The following RPL13 variants were observed in gnomAD, a reference collection of about 807,000 sequenced individuals.
RPL13 encodes large ribosomal subunit protein eL13.
A neutral mutation model predicts 21.4 loss-of-function variants in RPL13; 1 was observed. The ratio of observed to expected loss-of-function variants is 0.05; its 90% CI spans 0.02 to 0.22. The LOEUF is 0.22. Among genes scored for constraint, RPL13 ranks in the 10% least tolerant of loss-of-function variants. RPL13 has a pLI of 1.00. For missense variants in RPL13, 289 were observed against 303.0 expected (o/e 0.95, Z 0.34); for synonymous variants, 143 against 120.5 (o/e 1.19, Z -1.23).
chr16:89,562,214 G>A, intron 4 of RPL13, 121 bp from the exon 5 acceptor site: 5 of 880,902 alleles, frequency 5.7e-6, no homozygotes, highest in Non-Finnish European at 7.3e-6. Context: ...GTGTGTTGTA[G>A]AAAAGGCTCA....
In RPL13 at chr16:89,563,188, C is replaced by T. The variant is rs553289188; in HGVS notation, c.*146C>T. The T allele has an allele frequency of 1.4e-6, 1 of 727,814 alleles. No homozygotes were observed. The allele number at this position is 727,814 out of a possible 1,614,324, so 45.1% of individuals were successfully genotyped here. A position where few individuals can be genotyped will look rare whatever the true frequency, so the allele number is the denominator to read the frequency against. Reference sequence around the variant, plus strand: ...TTTGGGGCTTTCTTGAAAGACAGTCCAAGCCCTGGATAATGCTTTACTTTC... The same window carrying T: ...TTTGGGGCTTTCTTGAAAGACAGTCTAAGCCCTGGATAATGCTTTACTTTC... On this transcript the variant is annotated 3_prime_UTR_variant, in exon 6 of 6. Coordinates refer to ENST00000311528, the MANE Select transcript of RPL13 (RefSeq NM_000977.4).
At chr16:89,562,797 C>T (rs968537191) in intron 5 of RPL13, 87 bp from the exon 6 acceptor site, 34 of 1,387,264 alleles carry the variant, frequency 2.5e-5, no homozygotes, top group East Asian at 1.1e-4. Flanking sequence ...CCCCAATCCC[C>T]GGGAGGTCCT....
Position 89,561,563 on chromosome 16 carries a change from C to A in RPL13, c.247-15C>A, listed in dbSNP as rs1044392998. The A allele has an allele frequency of 2.5e-6, 4 of 1,613,440 alleles. No homozygotes were observed. The highest frequency in any genetic ancestry group is 2.2e-5 in the East Asian group (1 of 44,886). The stretch of plus-strand genomic sequence containing the variant: ...AGCCCGGGCCTGTCTCCATCTCTCT[C>A]TGGTTCTGGGGCAGGTGGCCGGCAT... On this transcript the variant is annotated splice_polypyrimidine_tract_variant and intron_variant, in intron 3 of 5. Coordinates refer to ENST00000311528, the MANE Select transcript of RPL13 (RefSeq NM_000977.4).
chr16:89,566,238 A>AT (rs2058789550), downstream of RPL13: 1 of 135,796 alleles, frequency 7.4e-6, no homozygotes, highest in African/African-American at 2.6e-5. Context: ...GGCGCTAGTC[A>AT]CGTGCCCCGG....
chr16:89,564,648 C>T (rs1459047850), downstream of RPL13: 1 of 152,228 alleles, frequency 6.6e-6, no homozygotes, highest in African/African-American at 2.4e-5. Flanking sequence ...CAGCGAGACT[C>T]AGTCTCAAAA....
intron 5 of RPL13, 31 bp from the exon 6 acceptor site, chr16:89,562,853 G>T (rs1475200289): frequency 1.3e-6 from 2 of 1,504,164 alleles, no homozygotes; most frequent in Non-Finnish European, 1.8e-6. Flanking sequence ...TTTGGTGCAT[G>T]TGGGTTTAAC....
At chr16:89,562,506 TG>T in intron 5 of RPL13, 115 bp downstream of exon 5, 5 of 990,674 alleles carry the variant, frequency 5.0e-6, no homozygotes, top group Non-Finnish European at 7.5e-6. Flanking sequence ...GTGGCAGTTG[TG>T]GGTGTGGAGG....
intron 4 of RPL13, 21 bp downstream of exon 4, chr16:89,561,772 C>A: frequency 6.2e-7 from 1 of 1,606,692 alleles, no homozygotes; most frequent in Non-Finnish European, 8.5e-7. Context: ...GGCTCTCTGG[C>A]CGTCCTGGTG....
chr16:89,563,168 G>T lies in RPL13; in HGVS notation c.*126G>T. ...GACTTCCTCCTGCCAGGGGATTTGG[G>T]GCTTTCTTGAAAGACAGTCCAAGCC... On this transcript the variant is annotated 3_prime_UTR_variant, in exon 6 of 6. Transcript: ENST00000311528. The T allele has an allele frequency of 1.0e-6, 1 of 958,916 alleles. No homozygotes were observed. 59.4% of individuals were successfully genotyped at this position (958,916 alleles called of 1,614,324 possible).
Position 89,561,617 on chromosome 16 carries a change from A to G in RPL13, c.286A>G (p.Ile96Val), listed in dbSNP as rs768436769. 5.3e-5 allele frequency: 86 copies of G among 1,613,574 alleles called. No homozygotes were observed. Among genetic ancestry groups the G allele is most frequent in the African/African-American group, 6.7e-5 (5 of 74,902 alleles). Reference protein sequence around the residue: ...IHKKVARTIGISVDPRRRNKS... With the variant: ...IHKKVARTIGVSVDPRRRNKS... ...CAAGAAGGTGGCCCGGACCATCGGC[A>G]TTTCTGTGGATCCGAGGAGGCGGAA... Residue 96 changes from isoleucine (I) to valine (V), a missense_variant, in exon 4 of 6, where the codon ATT becomes GTT. Physicochemically the swap from Ile to Val is conservative, Grantham distance 29. Coordinates refer to ENST00000311528, the MANE Select transcript of RPL13 (RefSeq NM_000977.4).
At position 89,564,400 on chromosome 16, in the gene RPL13, G is replaced by A. The variant is rs2058767932; in HGVS notation, c.*1358G>A. 6.6e-6 allele frequency: 1 copy of A among 152,202 alleles called. No homozygotes were observed. Among genetic ancestry groups the A allele is most frequent in the Non-Finnish European group, 1.5e-5 (1 of 68,042 alleles). 9.4% of individuals were successfully genotyped at this position (152,202 alleles called of 1,614,324 possible). A position where few individuals can be genotyped will look rare whatever the true frequency, so the allele number is the denominator to read the frequency against. ...CTTCGTGATCAGTTTGTATGTTTGG[G>A]ACTCTTGTCCTATGTAAAGTTAAGG... On this transcript the variant is annotated 3_prime_UTR_variant, in exon 6 of 6. Coordinates refer to ENST00000311528, the MANE Select transcript of RPL13 (RefSeq NM_000977.4).
At position 89,563,086 on chromosome 16, in the gene RPL13, C is replaced by T. The variant is rs775506710; in HGVS notation, c.*44C>T. 7.6e-6 allele frequency: 11 copies of T among 1,447,786 alleles called. No individual in the cohort carries two copies. Among genetic ancestry groups the T allele is most frequent in the Non-Finnish European group, 9.1e-6 (10 of 1,094,580 alleles). The allele number at this position is 1,447,786 out of a possible 1,614,324, so 89.7% of individuals were successfully genotyped here. On this transcript the variant is annotated 3_prime_UTR_variant, in exon 6 of 6. Transcript: ENST00000311528. The stretch of plus-strand genomic sequence containing the variant: ...GAATCAGTCGGCAGTCATGCTGGGT[C>T]TCCACGTGGTGTGTTTCGTGGGAAC...
intron 4 of RPL13, chr16:89,562,053 G>T: frequency 1.7e-6 from 1 of 589,286 alleles, no homozygotes. Context: ...AGAGTCCATT[G>T]TATACGTTTC....
Position 89,563,300 on chromosome 16 carries a change from G to A in RPL13, c.*258G>A, listed in dbSNP as rs372710293. 6 of 293,204 alleles carry A rather than the reference G, an allele frequency of 2.0e-5. No homozygotes were observed. The highest frequency in any genetic ancestry group is 3.2e-5 in the Non-Finnish European group (5 of 158,588). The allele number at this position is 293,204 out of a possible 1,614,324, so 18.2% of individuals were successfully genotyped here. A position where few individuals can be genotyped will look rare whatever the true frequency, so the allele number is the denominator to read the frequency against. On this transcript the variant is annotated 3_prime_UTR_variant, in exon 6 of 6. Transcript: ENST00000311528. Reference sequence around the variant, plus strand: ...AGGTTACAGAGGCTGACTTCAGAGTGGACTTGTGTTTTTTCTTTTTAAAGA... The same window carrying A: ...AGGTTACAGAGGCTGACTTCAGAGTAGACTTGTGTTTTTTCTTTTTAAAGA...
chr16:89,565,551 C>G (rs959710525), downstream of RPL13: 3 of 152,300 alleles, frequency 2.0e-5, no homozygotes, highest in African/African-American at 7.2e-5. Context: ...TAACTTAGTC[C>G]CTGGGGACCG....
rs1567942814 is a variant in RPL13, at chr16:89,564,259, C to T, written c.*1217C>T. 6.6e-6 allele frequency: 1 copy of T among 152,306 alleles called. No individual in the cohort carries two copies. The highest frequency in any genetic ancestry group is 1.9e-4 in the East Asian group (1 of 5,194). 9.4% of individuals were successfully genotyped at this position (152,306 alleles called of 1,614,324 possible). A position where few individuals can be genotyped will look rare whatever the true frequency, so the allele number is the denominator to read the frequency against. ...TGATGCTGCTACCTCTGCTGCTGCA[C>T]TCACAGCCACACTTGATACACGATG... On this transcript the variant is annotated 3_prime_UTR_variant, in exon 6 of 6. Transcript: ENST00000311528.
In RPL13 at chr16:89,561,010, C is replaced by T. The variant is rs146770775; in HGVS notation, c.51C>T (p.Asp17=). ...TCTTGAAGCCCCACTTCCACAAGGA[C>T]TGGCAGCGGCGCGTGGCCACGTGGT... ...GMVLKPHFHK[D]WQRRVATWFN... Residue 17 remains aspartate (D), a synonymous_variant, in exon 2 of 6, where the codon GAC becomes GAT. Transcript: ENST00000311528. 1.5e-5 allele frequency: 24 copies of T among 1,607,072 alleles called. No homozygotes were observed. The highest frequency in any genetic ancestry group is 4.1e-5 in the African/African-American group (3 of 73,804).
chr16:89,566,735 A>G (rs1258535008), downstream of RPL13: 1 of 152,152 alleles, frequency 6.6e-6, no homozygotes, highest in Non-Finnish European at 1.5e-5. Flanking sequence ...TTTGAGTTGT[A>G]ACACGTGTAC....
chr16:89,561,853 C>T (rs1048859693), intron 4 of RPL13, 102 bp downstream of exon 4: 2 of 1,300,514 alleles, frequency 1.5e-6, no homozygotes, highest in Non-Finnish European at 2.1e-6. Context: ...GTGAGAAGAA[C>T]CAAAACATTG....
Sources: gnomAD v4.1 joint callset for allele counts on GRCh38, gnomAD v4.1.1 for gene constraint, MANE v1.5 for transcripts, NCBI Gene and HGNC (gene_info 2026-07-23, HGNC 2026-07-21) for gene names.